The following ASTN2 variants were observed in gnomAD, a reference collection of about 807,000 sequenced individuals.
ASTN2 encodes the protein astrotactin-2.
Under a neutral mutation model 139.8 loss-of-function variants are expected in ASTN2, and 54 were observed. The observed-to-expected ratio is 0.39, with a 90% CI of 0.31 to 0.48. The LOEUF is 0.48. Among genes scored for constraint, ASTN2 ranks in the 20% least tolerant of loss-of-function variants. The pLI, the probability that ASTN2 is intolerant of heterozygous loss-of-function variation, is 0.95. For synonymous variants in ASTN2, 756 were observed against 719.5 expected (o/e 1.05, Z -0.81); for missense variants, 1,565 against 1,725.1 (o/e 0.91, Z 1.64).
intron 13 of ASTN2, among the ~76,000 whole-genome samples, chr9:116,802,463 C>T (rs1335796664): frequency 2.0e-5 from 3 of 152,154 alleles, no homozygotes; most frequent in East Asian, 1.9e-4. Flanking sequence ...GAACTGAGAA[C>T]GTGGGCTGGT....
At chr9:117,168,010 G>T (rs926098969) in intron 3 of ASTN2, among the ~76,000 whole-genome samples, 2 of 152,128 alleles carry the variant, frequency 1.3e-5, no homozygotes, top group Admixed American at 1.3e-4. Flanking sequence ...GTATGATGGG[G>T]TAGAGACCAT....
chr9:117,307,036 C>T (rs1053944124), intron 1 of ASTN2, among the ~76,000 whole-genome samples: 1 of 152,160 alleles, frequency 6.6e-6, no homozygotes, highest in African/African-American at 2.4e-5. Context: ...GGCGTATATA[C>T]ATTCAATCAG....
intron 20 of ASTN2, among the ~76,000 whole-genome samples, chr9:116,475,161 A>T (rs1324790112): frequency 6.6e-6 from 1 of 152,204 alleles, no homozygotes; most frequent in Non-Finnish European, 1.5e-5. Context: ...GCATGTAATA[A>T]TTAGGAGGTT....
intron 5 of ASTN2, among the ~76,000 whole-genome samples, chr9:117,076,661 C>G (rs1372669770): frequency 2.6e-5 from 4 of 152,082 alleles, no homozygotes; most frequent in Non-Finnish European, 4.4e-5. Context: ...GTGAAAATGA[C>G]ACCAACTTGT....
At chr9:116,989,365 A>T (rs1038605235) in intron 7 of ASTN2, among the ~76,000 whole-genome samples, 1 of 152,150 alleles carries the variant, frequency 6.6e-6, no homozygotes, top group African/African-American at 2.4e-5. Flanking sequence ...AAAGAAGAGA[A>T]GCTGGATTGT....
intron 14 of ASTN2, 125 bp from the exon 15 acceptor site, chr9:116,729,221 T>C (rs985656800): frequency 5.6e-6 from 4 of 720,176 alleles, no homozygotes; most frequent in Non-Finnish European, 9.1e-6. Context: ...TCACTGGGAT[T>C]GACAATTTTA....
intron 12 of ASTN2, among the ~76,000 whole-genome samples, chr9:116,811,849 T>A (rs571942945): frequency 6.6e-6 from 1 of 152,352 alleles, no homozygotes; most frequent in East Asian, 1.9e-4. Flanking sequence ...CTATTGGTTC[T>A]CATATCCTAG....
At chr9:117,393,124 C>T (rs1830584206) in intron 1 of ASTN2, among the ~76,000 whole-genome samples, 1 of 152,304 alleles carries the variant, frequency 6.6e-6, no homozygotes, top group South Asian at 2.1e-4. Flanking sequence ...CCCTCCTCAG[C>T]CAAGAATCTC....
chr9:116,534,469 G>C (rs1851518754), intron 19 of ASTN2, among the ~76,000 whole-genome samples: 1 of 152,160 alleles, frequency 6.6e-6, no homozygotes, highest in South Asian at 2.1e-4. Context: ...GTCAATTTTA[G>C]ATCTTTCCTG....
At chr9:117,334,502 C>A (rs1329795808) in intron 1 of ASTN2, among the ~76,000 whole-genome samples, 4 of 142,246 alleles carry the variant, frequency 2.8e-5, no homozygotes, top group African/African-American at 1.1e-4. Context: ...TTTTTTTTGA[C>A]GGTGGAGAGA....
intron 3 of ASTN2, among the ~76,000 whole-genome samples, chr9:117,212,292 G>A (rs972944585): frequency 2.6e-5 from 4 of 151,734 alleles, no homozygotes; most frequent in Non-Finnish European, 5.9e-5. Flanking sequence ...TGTAAGACCC[G>A]AAATGATAAA....
At chr9:116,650,888 G>C (rs1357937717) in intron 17 of ASTN2, among the ~76,000 whole-genome samples, 1 of 151,200 alleles carries the variant, frequency 6.6e-6, no homozygotes, top group African/African-American at 2.4e-5. Context: ...GGTCAATGCA[G>C]CACAAGGAAC....
At position 116,779,968 on chromosome 9, in the gene ASTN2, T is replaced by C. The variant is rs139600902; in HGVS notation, c.2396+25664A>G. ...TACATATTAATTATATATTCATGTT[T>C]ATGTATCAATCTGCTGAGTAGTTTA... On this transcript the variant is annotated intron_variant, in intron 13 of 22. Transcript: ENST00000313400. Among the ~76,000 whole-genome samples, 1,441 of 152,354 alleles carry C rather than the reference T, an allele frequency of 9.5e-3. 19 individuals are homozygous for C. Among genetic ancestry groups the C allele is most frequent in the African/African-American group, 0.028 (1,177 of 41,584 alleles).
intron 11 of ASTN2, among the ~76,000 whole-genome samples, chr9:116,836,216 G>T (rs1456483709): frequency 2.0e-5 from 3 of 151,962 alleles, no homozygotes; most frequent in Non-Finnish European, 2.9e-5. Context: ...ACACTGAGTG[G>T]AAGGTGGCCC....
At chr9:116,631,293 T>A (rs1856732109) in intron 17 of ASTN2, among the ~76,000 whole-genome samples, 1 of 152,174 alleles carries the variant, frequency 6.6e-6, no homozygotes, top group African/African-American at 2.4e-5. Flanking sequence ...CTGTTAACAA[T>A]AACCAAGATA....
intron 10 of ASTN2, among the ~76,000 whole-genome samples, chr9:116,901,683 A>C (rs1304391892): frequency 6.6e-6 from 1 of 152,242 alleles, no homozygotes; most frequent in Non-Finnish European, 1.5e-5. Context: ...TTATGTATTT[A>C]TTATAGTATA....
intron 1 of ASTN2, among the ~76,000 whole-genome samples, chr9:117,360,098 C>T (rs561087852): frequency 3.1e-4 from 47 of 152,140 alleles, no homozygotes; most frequent in Middle Eastern, 3.4e-3. Flanking sequence ...TGCAGCTGTC[C>T]GGCACATAGA....
chr9:117,165,495 C>T (rs1015494949), intron 3 of ASTN2, among the ~76,000 whole-genome samples: 3 of 152,002 alleles, frequency 2.0e-5, no homozygotes, highest in Admixed American at 6.6e-5. Context: ...CTCTAAACTG[C>T]GGCTCCTCTT....
chr9:116,467,760 A>G (rs1290449639), intron 20 of ASTN2, among the ~76,000 whole-genome samples: 1 of 152,262 alleles, frequency 6.6e-6, no homozygotes, highest in Non-Finnish European at 1.5e-5. Flanking sequence ...ATGATTAAAC[A>G]AGATAATGTT....
Sources: allele counts gnomAD v4.1 joint callset (sites outside exome capture counted in the v4.1 genomes callset), GRCh38; gene constraint gnomAD v4.1.1; transcripts MANE v1.5; gene names NCBI Gene and HGNC (gene_info 2026-07-23, HGNC 2026-07-21).